Variants in CACNA1E observed in about 807,000 individuals in gnomAD.
The protein encoded by CACNA1E is calcium voltage-gated channel subunit alpha1 E, also known as voltage-dependent R-type calcium channel subunit alpha-1E.
CACNA1E carries 40 observed loss-of-function variants against 259.2 expected under a neutral mutation model. The observed-to-expected ratio is 0.15, with a 90% CI of 0.12 to 0.20. CACNA1E has a LOEUF of 0.20. Among genes scored for constraint, CACNA1E ranks in the 10% least tolerant of loss-of-function variants. The pLI is 1.00. For synonymous variants in CACNA1E, 1,104 were observed against 1,138.5 expected, an observed-to-expected ratio of 0.97 and a Z score of 0.61; for missense variants, 1,874 against 3,040.1, an observed-to-expected ratio of 0.62 and a Z score of 9.02.
intron 1 of CACNA1E, among the ~76,000 whole-genome samples, chr1:181,357,939 G>A (rs1466076887): frequency 6.6e-6 from 1 of 152,166 alleles, no homozygotes; most frequent in Non-Finnish European, 1.5e-5. Flanking sequence ...TGGAGAAAAG[G>A]GAGGATGGAG....
In CACNA1E at chr1:181,766,635, G is replaced by A. The variant is rs145688780; in HGVS notation, c.4881+24G>A. ...AGGTGAGCTGGTAAATCAAGGGCCC[G>A]GTGGGGGACAGCTGTTACCCAGATA... is the stretch of plus-strand genomic sequence containing the variant. On this transcript the variant is annotated intron_variant, in intron 35 of 47. Coordinates refer to ENST00000367573, the MANE Select transcript of CACNA1E (RefSeq NM_001205293.3). 337 of 1,565,394 alleles carry A rather than the reference G, an allele frequency of 2.2e-4. No individual in the cohort carries two copies. Among genetic ancestry groups the A allele is most frequent in the Admixed American group, 1.0e-3 (61 of 59,350 alleles).
At chr1:181,789,265 A>C (rs1661093886) in intron 43 of CACNA1E, among the ~76,000 whole-genome samples, 1 of 152,202 alleles carries the variant, frequency 6.6e-6, no homozygotes. Flanking sequence ...CAGGTCATTT[A>C]AATACTGTAA....
chr1:181,697,836 C>T (rs548667755), intron 7 of CACNA1E, among the ~76,000 whole-genome samples: 31 of 152,288 alleles, frequency 2.0e-4, no homozygotes, highest in African/African-American at 6.7e-4. Flanking sequence ...ACACTTTGAC[C>T]GATACTTCAT....
chr1:181,586,283 C>T (rs1253485656), intron 6 of CACNA1E, among the ~76,000 whole-genome samples: 2 of 152,136 alleles, frequency 1.3e-5, no homozygotes, highest in Non-Finnish European at 2.9e-5. Context: ...TTGCCATGCT[C>T]ATTTGATACA....
chr1:181,794,561 G>GA (rs1661619362), intron 45 of CACNA1E, among the ~76,000 whole-genome samples: 1 of 152,224 alleles, frequency 6.6e-6, no homozygotes, highest in Non-Finnish European at 1.5e-5. Flanking sequence ...CCCCATGGTA[G>GA]AGGGCTCTAT....
At chr1:181,623,777 C>A (rs1340217178) in intron 6 of CACNA1E, among the ~76,000 whole-genome samples, 2 of 152,146 alleles carry the variant, frequency 1.3e-5, no homozygotes, top group Non-Finnish European at 2.9e-5. Flanking sequence ...ATCATCTGAG[C>A]CTTCAGAAAG....
At chr1:181,453,334 T>A (rs1661274707) in intron 2 of CACNA1E, among the ~76,000 whole-genome samples, 1 of 152,240 alleles carries the variant, frequency 6.6e-6, no homozygotes, top group South Asian at 2.1e-4. Context: ...GATAATTTCC[T>A]GACTCACAAA....
chr1:181,463,788 A>G (rs950798788), intron 2 of CACNA1E, among the ~76,000 whole-genome samples: 11 of 152,114 alleles, frequency 7.2e-5, no homozygotes, highest in African/African-American at 2.7e-4. Flanking sequence ...TTTGTCATAC[A>G]GAGTTATTAA....
chr1:181,750,978 G>T (rs908884502), intron 26 of CACNA1E, among the ~76,000 whole-genome samples: 1 of 152,054 alleles, frequency 6.6e-6, no homozygotes, highest in East Asian at 1.9e-4. Context: ...TCCCTGTCAG[G>T]GGGGTGGGGT....
chr1:181,636,237 T>C (rs2101971583), intron 6 of CACNA1E, among the ~76,000 whole-genome samples: 1 of 152,176 alleles, frequency 6.6e-6, no homozygotes, highest in Middle Eastern at 3.4e-3. Flanking sequence ...GCGGTCAGAC[T>C]GCTAGGGATA....
At chr1:181,762,080 G>C (rs949315837) in intron 32 of CACNA1E, among the ~76,000 whole-genome samples, 1 of 152,126 alleles carries the variant, frequency 6.6e-6, no homozygotes, top group South Asian at 2.1e-4. Context: ...GTTGATAGTT[G>C]AAAGTCAGAC....
chr1:181,419,616 C>G (rs1658571776), intron 2 of CACNA1E, among the ~76,000 whole-genome samples: 1 of 152,252 alleles, frequency 6.6e-6, no homozygotes, highest in African/African-American at 2.4e-5. Context: ...TTCTTGAAAG[C>G]AGGGCCTTTG....
intron 27 of CACNA1E, among the ~76,000 whole-genome samples, chr1:181,754,309 GGGTGCCT>G (rs71297868): frequency 9.9e-6 from 1 of 100,954 alleles, no homozygotes; most frequent in African/African-American, 2.9e-5. Context: ...GATTCCACAA[GGGTGCCT>G]GTCACTTACA....
chr1:181,336,890 T>C (rs1651750520), intron 1 of CACNA1E, among the ~76,000 whole-genome samples: 1 of 151,272 alleles, frequency 6.6e-6, no homozygotes, highest in Non-Finnish European at 1.5e-5. Flanking sequence ...AGGAAGTGAT[T>C]TTGGAATTTA....
chr1:181,528,674 G>A (rs1207597633), intron 3 of CACNA1E, among the ~76,000 whole-genome samples: 2 of 152,228 alleles, frequency 1.3e-5, no homozygotes, highest in Non-Finnish European at 1.5e-5. Flanking sequence ...GGGAACTGGA[G>A]CAGAGGTGGC....
chr1:181,484,573 C>A (rs1169559648), intron 1 of CACNA1E, among the ~76,000 whole-genome samples: 1 of 152,192 alleles, frequency 6.6e-6, no homozygotes, highest in Non-Finnish European at 1.5e-5. Flanking sequence ...TCAGCTAACT[C>A]TAGGGACTTA....
intron 3 of CACNA1E, among the ~76,000 whole-genome samples, chr1:181,560,855 G>A (rs902937184): frequency 6.6e-6 from 1 of 152,236 alleles, no homozygotes; most frequent in African/African-American, 2.4e-5. Flanking sequence ...ACTGATGGAG[G>A]AATGGATAAA....
At chr1:181,579,759 G>A (rs1651335192) in intron 5 of CACNA1E, among the ~76,000 whole-genome samples, 1 of 152,214 alleles carries the variant, frequency 6.6e-6, no homozygotes, top group Non-Finnish European at 1.5e-5. Flanking sequence ...TGGCCTCTCT[G>A]GCCCACAGGC....
intron 7 of CACNA1E, among the ~76,000 whole-genome samples, chr1:181,709,972 G>A (rs769164498): frequency 2.0e-5 from 3 of 152,180 alleles, no homozygotes; most frequent in African/African-American, 4.8e-5. Flanking sequence ...AGCAAACTGT[G>A]ATTTATTTAT....
Sources: gnomAD v4.1 joint callset for allele counts (sites outside exome capture counted in the v4.1 genomes callset) on GRCh38, gnomAD v4.1.1 for gene constraint, MANE v1.5 for transcripts, NCBI Gene and HGNC (gene_info 2026-07-23, HGNC 2026-07-21) for gene names.